The following KLHL9 variants were observed in gnomAD, a reference collection of about 807,000 sequenced individuals.
KLHL9 encodes kelch like family member 9.
In KLHL9, 27 loss-of-function variants were observed where a neutral mutation model predicts 42.3. That is an observed-to-expected ratio of 0.64 (90% confidence interval 0.47 to 0.88). The LOEUF is 0.88. Ranked by LOEUF, KLHL9 falls within the 40% of genes least tolerant of loss-of-function variation. The probability of loss-of-function intolerance (pLI) is 0.00; values close to 1 mark genes in which losing one functional copy is unlikely to be tolerated. For missense variants in KLHL9, 629 were observed against 750.3 expected, an observed-to-expected ratio of 0.84 and a Z score of 1.89; for synonymous variants, 274 against 254.4, an observed-to-expected ratio of 1.08 and a Z score of -0.73.
In KLHL9 at chr9:21,334,386, T is replaced by C; in HGVS notation, c.474A>G (p.Gly158=). ...TAAGATTGTAGGTGTTAGCAATTCG[T>C]CCAACCTCAACACAGTTATCCAAAG... The part of the protein sequence containing the change: ...GVSLDNCVEV[G]RIANTYNLIE... Residue 158 remains glycine, a synonymous_variant, in exon 1 of 1, where the codon GGA becomes GGG. Coordinates refer to ENST00000359039, the MANE Select transcript of KLHL9 (RefSeq NM_018847.4). The surrounding 1 kb of genome is among the most constrained non-coding windows in gnomAD (Gnocchi z 5.1). 6.2e-7 allele frequency: 1 copy of C among 1,613,904 alleles called. No individual in the cohort carries two copies. The highest frequency in any genetic ancestry group is 8.5e-7 in the Non-Finnish European group (1 of 1,179,898).
At position 21,333,237 on chromosome 9, in the gene KLHL9, G is replaced by A. The variant is rs1487278922; in HGVS notation, c.1623C>T (p.Ala541=). 8 of 1,613,584 alleles carry A rather than the reference G, an allele frequency of 5.0e-6. No individual in the cohort carries two copies. Among genetic ancestry groups the A allele is most frequent in the Non-Finnish European group, 5.9e-6 (7 of 1,179,604 alleles). Residue 541 remains alanine, a synonymous_variant, in exon 1 of 1, where the codon GCC becomes GCT. Coordinates refer to ENST00000359039, the MANE Select transcript of KLHL9 (RefSeq NM_018847.4). The surrounding 1 kb of genome is among the most constrained non-coding windows in gnomAD (Gnocchi z 7.5). ...MLRGQSDVGV[A]VFENKIYVVG... Reference sequence around the variant, plus strand: ...CAACATAGATTTTATTTTCAAAGACGGCAACTCCAACATCACTTTGGCCTC... The same window carrying A: ...CAACATAGATTTTATTTTCAAAGACAGCAACTCCAACATCACTTTGGCCTC...
In KLHL9 at chr9:21,333,493, T is replaced by C. The variant is rs772128717; in HGVS notation, c.1367A>G (p.His456Arg). 7 of 1,614,090 alleles carry C rather than the reference T, an allele frequency of 4.3e-6. No homozygotes were observed. Among genetic ancestry groups the C allele is most frequent in the South Asian group, 3.3e-5 (3 of 91,096 alleles). ...CATGAGCTCATTTTGGAAAGTGTCA[T>C]GGGTAATTCCTCCTGAAATATACAT... ...GLMYISGGIT[H>R]DTFQNELMCF... is the part of the protein sequence containing the mutation. The change falls in exon 1 of 1, where the codon CAT becomes CGT. Residue 456 changes from histidine to arginine, a missense_variant. Coordinates refer to ENST00000359039, the MANE Select transcript of KLHL9 (RefSeq NM_018847.4). This position sits in a 1 kb window ranked among gnomAD's most constrained non-coding sequence, Gnocchi z 7.5.
At position 21,335,131 on chromosome 9, in the gene KLHL9, C is replaced by A. The variant is rs1820247424; in HGVS notation, c.-272G>T. The A allele has an allele frequency of 3.7e-6, 2 of 540,722 alleles. No individual in the cohort carries two copies. The highest frequency in any genetic ancestry group is 1.9e-5 in the African/African-American group (1 of 51,962). 33.5% of individuals were successfully genotyped at this position (540,722 alleles called of 1,614,324 possible). ...GTTAAATGACCTGGTTCACCTCGTCCGGCCTGCGCTGCCGCTCCTTCAGCA... is the reference window on the plus strand; with the variant it reads ...GTTAAATGACCTGGTTCACCTCGTCAGGCCTGCGCTGCCGCTCCTTCAGCA... On this transcript the variant is annotated 5_prime_UTR_variant, in exon 1 of 1. Transcript: ENST00000359039.
chr9:21,334,914 G>T lies in KLHL9; in HGVS notation c.-55C>A. 6.2e-7 allele frequency: 1 copy of T among 1,608,814 alleles called. No individual in the cohort carries two copies. Among genetic ancestry groups the T allele is most frequent in the African/African-American group, 1.3e-5 (1 of 74,924 alleles). The stretch of plus-strand genomic sequence containing the variant: ...AAGCCGGATAAAGAAGTTATAACCG[G>T]AATGTTTTACAGGTAACGAGGTGTC... On this transcript the variant is annotated 5_prime_UTR_variant, in exon 1 of 1. Coordinates refer to ENST00000359039, the MANE Select transcript of KLHL9 (RefSeq NM_018847.4). The surrounding 1 kb of genome is among the most constrained non-coding windows in gnomAD (Gnocchi z 5.1).
Position 21,334,172 on chromosome 9 carries a change from T to A in KLHL9, c.688A>T (p.Met230Leu). 2 of 1,614,194 alleles carry A rather than the reference T, an allele frequency of 1.2e-6. No individual in the cohort carries two copies. The highest frequency in any genetic ancestry group is 1.7e-6 in the Non-Finnish European group (2 of 1,180,036). The change falls in exon 1 of 1, where the codon ATG becomes TTG. Residue 230 changes from methionine to leucine, a missense_variant. Physicochemically the swap from Met to Leu is conservative, Grantham distance 15. Around this residue, in one of 4 missense-constraint regions of KLHL9, gnomAD observed 351 missense variants for 363.1 expected, o/e 0.97. Coordinates refer to ENST00000359039, the MANE Select transcript of KLHL9 (RefSeq NM_018847.4). The surrounding 1 kb of genome is among the most constrained non-coding windows in gnomAD (Gnocchi z 5.1). ...TTCATTAACTTTGCAGCATAATCCA[T>A]CCGAGGGTCTTCCAACCTTAGCCAG... is the stretch of plus-strand genomic sequence containing the variant. ...CRWLRLEDPR[M>L]DYAAKLMKNI...
Position 21,334,026 on chromosome 9 carries a change from C to T in KLHL9, c.834G>A (p.Met278Ile), listed in dbSNP as rs907732776. ...GCATCACTGGCTGCATATATGGCATCATTTGGTAATTGCTAGCTTCCAAAA... is the reference window on the plus strand; with the variant it reads ...GCATCACTGGCTGCATATATGGCATTATTTGGTAATTGCTAGCTTCCAAAA... The part of the protein sequence containing the change: ...NLLLEASNYQ[M>I]MPYMQPVMQS... The change falls in exon 1 of 1, where the codon ATG becomes ATA. Residue 278 changes from methionine (M) to isoleucine (I), a missense_variant. Transcript: ENST00000359039. The surrounding 1 kb of genome is among the most constrained non-coding windows in gnomAD (Gnocchi z 5.1). 3.1e-6 allele frequency: 5 copies of T among 1,614,212 alleles called. No homozygotes were observed. The highest frequency in any genetic ancestry group is 4.2e-6 in the Non-Finnish European group (5 of 1,180,036).
chr9:21,332,781 T>C lies in KLHL9; in HGVS notation c.*225A>G. ...TTATATAACATCACAAAAAGACATC[T>C]AAACATTTTTCTACGTCTTTTTTTC... On this transcript the variant is annotated 3_prime_UTR_variant, in exon 1 of 1. Coordinates refer to ENST00000359039, the MANE Select transcript of KLHL9 (RefSeq NM_018847.4). 1.7e-6 allele frequency: 1 copy of C among 598,286 alleles called. No homozygotes were observed. Among genetic ancestry groups the C allele is most frequent in the African/African-American group, 1.9e-5 (1 of 53,968 alleles). 37.1% of individuals were successfully genotyped at this position (598,286 alleles called of 1,614,324 possible).
In KLHL9 at chr9:21,334,155, C is replaced by T. The variant is rs751941009; in HGVS notation, c.705G>A (p.Lys235=). ...GTGGAAATCGAATATTCTTCATTAA[C>T]TTTGCAGCATAATCCATCCGAGGGT... is the stretch of plus-strand genomic sequence containing the variant. ...LEDPRMDYAA[K]LMKNIRFPLM... Residue 235 remains lysine (K), a synonymous_variant, in exon 1 of 1, where the codon AAG becomes AAA. Coordinates refer to ENST00000359039, the MANE Select transcript of KLHL9 (RefSeq NM_018847.4). The surrounding 1 kb of genome is among the most constrained non-coding windows in gnomAD (Gnocchi z 5.1). 1.2e-6 allele frequency: 2 copies of T among 1,614,232 alleles called. No homozygotes were observed. The highest frequency in any genetic ancestry group is 2.2e-5 in the South Asian group (2 of 91,086).
rs748166792 is a variant in KLHL9, at chr9:21,332,008, C to T, written c.*998G>A. The T allele has an allele frequency of 3.3e-5, 5 of 152,294 alleles. No individual in the cohort carries two copies. Among genetic ancestry groups the T allele is most frequent in the Non-Finnish European group, 5.9e-5 (4 of 67,992 alleles). 9.4% of individuals were successfully genotyped at this position (152,294 alleles called of 1,614,324 possible). A position where few individuals can be genotyped will look rare whatever the true frequency, so the allele number is the denominator to read the frequency against. On this transcript the variant is annotated 3_prime_UTR_variant, in exon 1 of 1. Transcript: ENST00000359039. ...TTTGTTCAGAATATTTTTTTCTTTGCTTTTTTCATTAAGTTTTACTGACCA... is the reference window on the plus strand; with the variant it reads ...TTTGTTCAGAATATTTTTTTCTTTGTTTTTTTCATTAAGTTTTACTGACCA...
In KLHL9 at chr9:21,331,022, A is replaced by G. The variant is rs752113551; in HGVS notation, c.*1984T>C. The G allele has an allele frequency of 1.2e-4, 19 of 152,668 alleles. No individual in the cohort carries two copies. The highest frequency in any genetic ancestry group is 2.5e-4 in the Non-Finnish European group (17 of 68,036). 9.5% of individuals were successfully genotyped at this position (152,668 alleles called of 1,614,324 possible). On this transcript the variant is annotated 3_prime_UTR_variant, in exon 1 of 1. Coordinates refer to ENST00000359039, the MANE Select transcript of KLHL9 (RefSeq NM_018847.4). Reference sequence around the variant, plus strand: ...GGAAGAAATAAATGCAAGCAAATGCAAGTTAAATTACATTTATTATATAAA... The same window carrying G: ...GGAAGAAATAAATGCAAGCAAATGCGAGTTAAATTACATTTATTATATAAA...
rs533168729 is a variant in KLHL9 at position 21,331,514 on chromosome 9, C to T, written c.*1492G>A. 545 of 152,058 alleles carry T rather than the reference C, an allele frequency of 3.6e-3. 2 individuals are homozygous for T. Among genetic ancestry groups the T allele is most frequent in the African/African-American group, 0.013 (521 of 41,436 alleles). The allele number at this position is 152,058 out of a possible 1,614,324, so 9.4% of individuals were successfully genotyped here. ...GGGGGTTGTGTGTGTGTATTACACA[C>T]ACACACAATGTATATATAAATTTTT... On this transcript the variant is annotated 3_prime_UTR_variant, in exon 1 of 1. Coordinates refer to ENST00000359039, the MANE Select transcript of KLHL9 (RefSeq NM_018847.4).
Position 21,334,912 on chromosome 9 carries a change from C to A in KLHL9, c.-53G>T. 6.2e-7 allele frequency: 1 copy of A among 1,609,556 alleles called. No homozygotes were observed. Among genetic ancestry groups the A allele is most frequent in the South Asian group, 1.1e-5 (1 of 90,614 alleles). On this transcript the variant is annotated 5_prime_UTR_variant, in exon 1 of 1. Coordinates refer to ENST00000359039, the MANE Select transcript of KLHL9 (RefSeq NM_018847.4). The surrounding 1 kb of genome is among the most constrained non-coding windows in gnomAD (Gnocchi z 5.1). ...GCAAGCCGGATAAAGAAGTTATAAC[C>A]GGAATGTTTTACAGGTAACGAGGTG...
rs1263481803 is a variant in KLHL9 at position 21,333,692 on chromosome 9, T to G, written c.1168A>C (p.Thr390Pro). 1 of 1,614,108 alleles carries G rather than the reference T, an allele frequency of 6.2e-7. No homozygotes were observed. Residue 390 changes from threonine to proline, a missense_variant, in exon 1 of 1, where the codon ACA (threonine) becomes CCA (proline). Coordinates refer to ENST00000359039, the MANE Select transcript of KLHL9 (RefSeq NM_018847.4). This position sits in a 1 kb window ranked among gnomAD's most constrained non-coding sequence, Gnocchi z 7.5. ...MQVASLNEKRTFFHLSALKGH... is the reference protein window; with the variant it reads ...MQVASLNEKRPFFHLSALKGH... ...TTGAGGGCACTCAAGTGAAAGAATG[T>G]GCGCTTTTCATTTAATGATGCAACC...
rs1464582459 is a variant in KLHL9 at position 21,332,661 on chromosome 9, A to G, written c.*345T>C. ...CAACCTTTCGTTATTTTTAGTTTAG[A>G]GCGGCCTCCCTCTGACATTTTGGAG... On this transcript the variant is annotated 3_prime_UTR_variant, in exon 1 of 1. Coordinates refer to ENST00000359039, the MANE Select transcript of KLHL9 (RefSeq NM_018847.4). 2 of 228,464 alleles carry G rather than the reference A, an allele frequency of 8.8e-6. No homozygotes were observed. Among genetic ancestry groups the G allele is most frequent in the Non-Finnish European group, 1.7e-5 (2 of 115,348 alleles). 14.2% of individuals were successfully genotyped at this position (228,464 alleles called of 1,614,324 possible).
Position 21,333,080 on chromosome 9 carries a change from C to T in KLHL9, c.1780G>A (p.Val594Ile). 6.2e-7 allele frequency: 1 copy of T among 1,614,154 alleles called. No individual in the cohort carries two copies. Among genetic ancestry groups the T allele is most frequent in the Non-Finnish European group, 8.5e-7 (1 of 1,180,000 alleles). Residue 594 changes from valine (V) to isoleucine (I), a missense_variant, in exon 1 of 1, where the codon GTT becomes ATT. Coordinates refer to ENST00000359039, the MANE Select transcript of KLHL9 (RefSeq NM_018847.4). The surrounding 1 kb of genome is among the most constrained non-coding windows in gnomAD (Gnocchi z 7.5). ...LGGIRACTLT[V>I]FPPEENPGSP... is the part of the protein sequence containing the mutation. ...CCAGGGTTTTCTTCAGGTGGAAAAA[C>T]TGTGAGTGTACAGGCTCGAATGCCA...
In KLHL9 at chr9:21,331,494, T is replaced by TGG. The variant is rs1554646699; in HGVS notation, c.*1511_*1512insCC. ...CTGACAATCTTCCAGGTATAGGGGG[T>TGG]TGTGTGTGTGTATTACACACACACA... On this transcript the variant is annotated 3_prime_UTR_variant, in exon 1 of 1. Transcript: ENST00000359039. 4,607 of 150,858 alleles carry TGG rather than the reference T, an allele frequency of 0.031. 72 individuals carry two copies. The highest frequency in any genetic ancestry group is 0.083 in the Middle Eastern group (24 of 290). 9.3% of individuals were successfully genotyped at this position (150,858 alleles called of 1,614,324 possible). A position where few individuals can be genotyped will look rare whatever the true frequency, so the allele number is the denominator to read the frequency against.
chr9:21,330,393 G>A lies in KLHL9; in HGVS notation c.*2613C>T, dbSNP rs1820148022. 2 of 152,096 alleles carry A rather than the reference G, an allele frequency of 1.3e-5. No individual in the cohort carries two copies. Among genetic ancestry groups the A allele is most frequent in the Admixed American group, 1.3e-4 (2 of 15,260 alleles). The allele number at this position is 152,096 out of a possible 1,614,324, so 9.4% of individuals were successfully genotyped here. On this transcript the variant is annotated 3_prime_UTR_variant, in exon 1 of 1. Transcript: ENST00000359039. ...GGCCCTCAAAAAGTTTTAAATTTTG[G>A]AGCAATTTGGATTTTTGGATTAGGG...
Position 21,334,785 on chromosome 9 carries a change from G to C in KLHL9, c.75C>G (p.Arg25=), listed in dbSNP as rs754454541. 2 of 1,612,792 alleles carry C rather than the reference G, an allele frequency of 1.2e-6. No individual in the cohort carries two copies. The highest frequency in any genetic ancestry group is 1.7e-6 in the Non-Finnish European group (2 of 1,179,520). Reference sequence around the variant, plus strand: ...AACTGTGAGTATTGCTGGTAAAAAAGCGTGTGGTTCCTGCCTTACAAGGCT... The same window carrying C: ...AACTGTGAGTATTGCTGGTAAAAAACCGTGTGGTTCCTGCCTTACAAGGCT... The part of the protein sequence containing the change: ...HLQPCKAGTT[R]FFTSNTHSSV... The change falls in exon 1 of 1, where the codon CGC becomes CGG. Residue 25 remains arginine (R), a synonymous_variant. Transcript: ENST00000359039. This position sits in a 1 kb window ranked among gnomAD's most constrained non-coding sequence, Gnocchi z 5.1.
At position 21,332,853 on chromosome 9, in the gene KLHL9, T is replaced by C; in HGVS notation, c.*153A>G. 1 of 1,156,734 alleles carries C rather than the reference T, an allele frequency of 8.6e-7. No homozygotes were observed. The allele number at this position is 1,156,734 out of a possible 1,614,324, so 71.7% of individuals were successfully genotyped here. Reference sequence around the variant, plus strand: ...AAATACATTTTCAGAATGCATTTGTTAGCCACTTGATAAACATACTAAAAG... The same window carrying C: ...AAATACATTTTCAGAATGCATTTGTCAGCCACTTGATAAACATACTAAAAG... On this transcript the variant is annotated 3_prime_UTR_variant, in exon 1 of 1. Transcript: ENST00000359039.
Sources: gnomAD v4.1 joint callset for allele counts on GRCh38, gnomAD v4.1.1 for gene constraint, gnomAD v4.1.1 regional missense constraint, Gnocchi (gnomAD v3.1) non-coding constraint, MANE v1.5 for transcripts, NCBI Gene and HGNC (gene_info 2026-07-23, HGNC 2026-07-21) for gene names.